USP8: variants seen among roughly 807,000 people sequenced by gnomAD.
USP8 encodes the protein ubiquitin specific peptidase 8.
USP8 carries 27 observed loss-of-function variants against 130.0 expected under a neutral mutation model. The ratio of observed to expected loss-of-function variants is 0.21; its 90% CI spans 0.15 to 0.29. USP8 has a LOEUF of 0.29. USP8 is among the 10% of genes least tolerant of loss of function. The pLI, the probability that USP8 is intolerant of heterozygous loss-of-function variation, is 1.00. For synonymous variants in USP8, 392 were observed against 444.1 expected (o/e 0.88, Z 1.48); for missense variants, 1,029 against 1,312.2 (o/e 0.78, Z 3.33).
intron 1 of USP8, among the ~76,000 whole-genome samples, chr15:50,434,223 C>A (rs979393403): frequency 6.6e-6 from 1 of 151,968 alleles, no homozygotes; most frequent in Non-Finnish European, 1.5e-5. Flanking sequence ...CTGCCTCAGC[C>A]TCCTGAATAG....
At chr15:50,432,123 G>A (rs1595895748) in intron 1 of USP8, among the ~76,000 whole-genome samples, 1 of 152,302 alleles carries the variant, frequency 6.6e-6, no homozygotes, top group East Asian at 1.9e-4. Flanking sequence ...TAGATCACAA[G>A]CATTGTAGGA....
intron 5 of USP8, among the ~76,000 whole-genome samples, chr15:50,461,520 G>A (rs1006559858): frequency 1.4e-5 from 2 of 147,818 alleles, no homozygotes; most frequent in Non-Finnish European, 3.0e-5. Flanking sequence ...AAATGAGTTA[G>A]TACCATACAG....
chr15:50,470,013 A>G (rs893599273), intron 7 of USP8, among the ~76,000 whole-genome samples: 4 of 151,910 alleles, frequency 2.6e-5, no homozygotes, highest in African/African-American at 4.8e-5. Context: ...TGTATTTTTA[A>G]TTAGAGACAG....
intron 3 of USP8, among the ~76,000 whole-genome samples, chr15:50,443,951 G>A (rs181920837): frequency 6.3e-4 from 96 of 152,200 alleles, no homozygotes; most frequent in African/African-American, 2.1e-3. Context: ...ATTCAAACAA[G>A]TTTTTGCACG....
At chr15:50,485,008 G>C (rs1019714681) in intron 12 of USP8, among the ~76,000 whole-genome samples, 18 of 152,186 alleles carry the variant, frequency 1.2e-4, no homozygotes, top group Non-Finnish European at 1.3e-4. Context: ...TTATTGTTCA[G>C]TAGGTACAGA....
At chr15:50,445,314 G>A (rs1029733428) in intron 3 of USP8, among the ~76,000 whole-genome samples, 5 of 151,586 alleles carry the variant, frequency 3.3e-5, no homozygotes, top group Admixed American at 2.0e-4. Flanking sequence ...GGGAGGCTGA[G>A]GCAGGTGGAT....
intron 8 of USP8, among the ~76,000 whole-genome samples, chr15:50,472,256 G>C (rs2051402820): frequency 6.6e-6 from 1 of 151,792 alleles, no homozygotes; most frequent in Admixed American, 6.6e-5. Context: ...GATTTGTTTT[G>C]GCTGGGTGTG....
intron 13 of USP8, 26 bp from the exon 14 acceptor site, chr15:50,490,237 G>GTTTTTTTTTTTTTTTT (rs368317483): frequency 3.3e-6 from 4 of 1,229,254 alleles, no homozygotes; most frequent in Non-Finnish European, 2.2e-6. Flanking sequence ...TTTTTGACCT[G>GTTTTTTTTTTTTTTTT]TTTTTTTTTT....
intron 1 of USP8, among the ~76,000 whole-genome samples, chr15:50,430,097 C>A (rs961556859): frequency 1.3e-5 from 2 of 152,262 alleles, no homozygotes; most frequent in East Asian, 3.9e-4. Context: ...TTTTAAGAGG[C>A]AGAAACTTTA....
chr15:50,496,756 A>ATGTT (rs766937643), intron 17 of USP8: 1 of 175,176 alleles, frequency 5.7e-6, no homozygotes, highest in African/African-American at 2.4e-5. Context: ...TGTATCAACA[A>ATGTT]TGTTTCTTAT....
rs1491166817 is a variant in USP8, at chr15:50,499,714, T to TTTAA, written c.*629_*632dup. The TTTAA allele has an allele frequency of 2.0e-5, 3 of 152,242 alleles. No homozygotes were observed. Among genetic ancestry groups the TTTAA allele is most frequent in the East Asian group, 3.9e-4 (2 of 5,184 alleles). 9.4% of individuals were successfully genotyped at this position (152,242 alleles called of 1,614,324 possible). A position where few individuals can be genotyped will look rare whatever the true frequency, so the allele number is the denominator to read the frequency against. Reference sequence around the variant, plus strand: ...TTATTCTAAAAAAAAAAATGGAAACTTTAATTTTTTTAAAACGAGAATTTC... The same window carrying TTTAA: ...TTATTCTAAAAAAAAAAATGGAAACTTTAATTAATTTTTTTAAAACGAGAATTTC... On this transcript the variant is annotated 3_prime_UTR_variant, in exon 20 of 20. Transcript: ENST00000307179.
rs188529499 is a variant in USP8 at position 50,438,300 on chromosome 15, G to C, written c.-65-709G>C. On this transcript the variant is annotated intron_variant, in intron 1 of 19. Transcript: ENST00000307179. ...AAGATTATTAAGAGATTGGAAAGAA[G>C]TAGCCAGACGTGGTGGCTTACGCCT... 1.1e-4 allele frequency among the ~76,000 whole-genome samples: 16 copies of C among 152,300 alleles called. 1 individual carries two copies. The East Asian group carries it at 3.1e-3, about 29-fold the overall frequency.
At chr15:50,461,456 CAAA>C (rs71124356) in intron 5 of USP8, among the ~76,000 whole-genome samples, 57 of 108,620 alleles carry the variant, frequency 5.2e-4, no homozygotes, top group Non-Finnish European at 6.2e-4. Flanking sequence ...ACCCTATCTC[CAAA>C]AAAAAAAAAA....
chr15:50,452,457 G>A (rs1316854807), intron 4 of USP8, among the ~76,000 whole-genome samples: 1 of 152,174 alleles, frequency 6.6e-6, no homozygotes, highest in Non-Finnish European at 1.5e-5. Context: ...CAAATCCAAG[G>A]TAGGGGGTAA....
chr15:50,470,717 A>G (rs532185455), intron 7 of USP8, among the ~76,000 whole-genome samples: 228 of 150,722 alleles, frequency 1.5e-3, no homozygotes, highest in African/African-American at 5.3e-3. Context: ...ATTCTGCCTC[A>G]GCCTCCTCAG....
intron 15 of USP8, chr15:50,493,541 C>T: frequency 2.0e-6 from 1 of 511,230 alleles, no homozygotes; most frequent in South Asian, 1.4e-5. Context: ...TCACTTGGGG[C>T]CCAGGAGTTT....
chr15:50,475,502 C>T (rs62019087), intron 8 of USP8, among the ~76,000 whole-genome samples: 21,361 of 151,954 alleles, frequency 0.14, 1,979 homozygotes, highest in Middle Eastern at 0.28. Context: ...CATATTAAAC[C>T]AGCAATTCTA....
rs986547588 is a variant in USP8 at position 50,508,832 on chromosome 15, TATA to T, written c.*9746_*9748del. On this transcript the variant is annotated 3_prime_UTR_variant, in exon 20 of 20. Coordinates refer to ENST00000307179, the MANE Select transcript of USP8 (RefSeq NM_005154.5). Reference sequence around the variant, plus strand: ...GGGCAACATGGCAAAACCCCGTCTCTATAAAAAAAAAAAGAGTACAGGCCAGGC... The same window carrying T: ...GGGCAACATGGCAAAACCCCGTCTCTAAAAAAAAAAGAGTACAGGCCAGGC... 4 of 134,124 alleles carry T rather than the reference TATA, an allele frequency of 3.0e-5. No homozygotes were observed. The highest frequency in any genetic ancestry group is 1.1e-4 in the African/African-American group (4 of 35,276). 8.3% of individuals were successfully genotyped at this position (134,124 alleles called of 1,614,324 possible). A position where few individuals can be genotyped will look rare whatever the true frequency, so the allele number is the denominator to read the frequency against.
In USP8 at chr15:50,511,086, C is replaced by G. The variant is rs930035795; in HGVS notation, c.*11998C>G. ...AGCCACCGTGCCCGGCCGATGTACA[C>G]CAATGTTCTCTGTACAATTCTTTCA... On this transcript the variant is annotated 3_prime_UTR_variant, in exon 20 of 20. Transcript: ENST00000307179. 2 of 152,090 alleles carry G rather than the reference C, an allele frequency of 1.3e-5. No homozygotes were observed. Among genetic ancestry groups the G allele is most frequent in the African/African-American group, 4.8e-5 (2 of 41,426 alleles). 9.4% of individuals were successfully genotyped at this position (152,090 alleles called of 1,614,324 possible). A position where few individuals can be genotyped will look rare whatever the true frequency, so the allele number is the denominator to read the frequency against.
Sources: gnomAD v4.1 joint callset for allele counts (sites outside exome capture counted in the v4.1 genomes callset) on GRCh38, gnomAD v4.1.1 for gene constraint, MANE v1.5 for transcripts, NCBI Gene and HGNC (gene_info 2026-07-23, HGNC 2026-07-21) for gene names.